Variants in DLGAP1 observed in about 807,000 individuals in gnomAD.
DLGAP1 encodes disks large-associated protein 1.
In DLGAP1, 11 loss-of-function variants were observed where a neutral mutation model predicts 90.8. The ratio of observed to expected loss-of-function variants is 0.12; its 90% CI spans 0.08 to 0.20. The LOEUF (loss-of-function observed/expected upper bound fraction) is 0.20, where lower values mean the gene tolerates loss of function less well. DLGAP1 is among the 10% of genes least tolerant of loss of function. The pLI, the probability that DLGAP1 is intolerant of heterozygous loss-of-function variation, is 1.00. For synonymous variants in DLGAP1, 558 were observed against 540.7 expected (o/e 1.03, Z -0.44); for missense variants, 1,050 against 1,333.8 (o/e 0.79, Z 3.31).
chr18:3,636,139 G>A (rs561085268), intron 7 of DLGAP1, among the ~76,000 whole-genome samples: 78 of 151,010 alleles, frequency 5.2e-4, no homozygotes, highest in Non-Finnish European at 1.0e-3. Context: ...CAACCCTTCT[G>A]CTTGGAGTTT....
intron 3 of DLGAP1, among the ~76,000 whole-genome samples, chr18:3,917,092 G>A (rs2072161775): frequency 1.3e-5 from 2 of 152,218 alleles, no homozygotes; most frequent in South Asian, 4.1e-4. Flanking sequence ...ATTTTGCTCA[G>A]CTGTGGGCTA....
intron 1 of DLGAP1, among the ~76,000 whole-genome samples, chr18:4,426,753 TATTAA>T (rs1312086150): frequency 9.9e-5 from 15 of 152,226 alleles, no homozygotes; most frequent in African/African-American, 2.7e-4. Flanking sequence ...TGCTAGATAT[TATTAA>T]ATTATTGTTT....
At chr18:4,236,115 C>G (rs559323851) in intron 1 of DLGAP1, among the ~76,000 whole-genome samples, 2 of 152,258 alleles carry the variant, frequency 1.3e-5, no homozygotes, top group East Asian at 1.9e-4. Context: ...AGTTTTCTGA[C>G]TTGGGCAAGC....
At chr18:4,319,231 T>C (rs976594374) in intron 1 of DLGAP1, among the ~76,000 whole-genome samples, 4 of 152,226 alleles carry the variant, frequency 2.6e-5, no homozygotes, top group African/African-American at 9.6e-5. Flanking sequence ...ACCTCTGTGG[T>C]AACAGTTTAA....
chr18:4,272,896 C>G (rs1025128607), intron 1 of DLGAP1, among the ~76,000 whole-genome samples: 1 of 152,134 alleles, frequency 6.6e-6, no homozygotes, highest in Non-Finnish European at 1.5e-5. Context: ...GAGGAGAGGT[C>G]ACACAGAGAA....
At chr18:3,546,750 C>T (rs1174015662) in intron 9 of DLGAP1, among the ~76,000 whole-genome samples, 1 of 152,004 alleles carries the variant, frequency 6.6e-6, no homozygotes, top group Non-Finnish European at 1.5e-5. Flanking sequence ...AAGCAGTAGA[C>T]ACCATTAGTC....
rs199561733 is a variant in DLGAP1, at chr18:4,142,930, AG to A, written c.-159+8249del. On this transcript the variant is annotated intron_variant, in intron 2 of 12. Transcript: ENST00000315677. ...AAAAATTTTCTAGATTGCCAGGCAAAGACTCTTGTTCTCCTCTCTTACTTTC... is the reference window on the plus strand; with the variant it reads ...AAAAATTTTCTAGATTGCCAGGCAAAACTCTTGTTCTCCTCTCTTACTTTC... Among the ~76,000 whole-genome samples, 1,166 of 152,274 alleles carry A rather than the reference AG, an allele frequency of 7.7e-3. 9 individuals carry two copies. Among genetic ancestry groups the A allele is most frequent in the African/African-American group, 0.026 (1,095 of 41,552 alleles).
chr18:4,080,472 A>G (rs1409168331), intron 2 of DLGAP1, among the ~76,000 whole-genome samples: 1 of 151,710 alleles, frequency 6.6e-6, no homozygotes. Context: ...GAAGGGCTGG[A>G]AACATGATAA....
At chr18:3,833,846 A>G (rs540391495) in intron 4 of DLGAP1, among the ~76,000 whole-genome samples, 27 of 152,338 alleles carry the variant, frequency 1.8e-4, no homozygotes, top group African/African-American at 6.5e-4. Context: ...TTGGTTTACA[A>G]AAGATTAAGT....
At chr18:3,844,816 T>C (rs1300399280) in intron 4 of DLGAP1, among the ~76,000 whole-genome samples, 1 of 152,196 alleles carries the variant, frequency 6.6e-6, no homozygotes, top group Non-Finnish European at 1.5e-5. Flanking sequence ...GTACGTATTC[T>C]GCTTTTCTTT....
chr18:3,590,753 G>C (rs631394), intron 7 of DLGAP1, among the ~76,000 whole-genome samples: 86,774 of 151,762 alleles, frequency 0.57, 24,960 homozygotes, highest in Admixed American at 0.61. Context: ...TACTCAGGAG[G>C]CTGAAGCAGG....
At chr18:3,941,489 A>G (rs139059653) in intron 3 of DLGAP1, among the ~76,000 whole-genome samples, 36 of 152,332 alleles carry the variant, frequency 2.4e-4, no homozygotes, top group African/African-American at 8.7e-4. Context: ...ATAAATATTA[A>G]TAGAATAGGC....
Position 4,287,783 on chromosome 18 carries a change from T to TA in DLGAP1, c.-266-136497_-266-136496insT, listed in dbSNP as rs537223467. Among the ~76,000 whole-genome samples the TA allele has an allele frequency of 1.3e-3, 193 of 152,108 alleles. 1 individual carries two copies. The highest frequency in any genetic ancestry group is 4.3e-3 in the African/African-American group (179 of 41,466). ...GGTTGATGGATGCAGCAAACCACCA[T>TA]GGCACATGTATACCTATGTAACAAA... On this transcript the variant is annotated intron_variant, in intron 1 of 12. Coordinates refer to ENST00000315677, the MANE Select transcript of DLGAP1 (RefSeq NM_004746.4).
At position 4,454,535 on chromosome 18, in the gene DLGAP1, C is replaced by T. The variant is rs1363382774; in HGVS notation, c.-267+471G>A. On this transcript the variant is annotated intron_variant, in intron 1 of 12. Coordinates refer to ENST00000315677, the MANE Select transcript of DLGAP1 (RefSeq NM_004746.4). This position sits in a 1 kb window ranked among gnomAD's most constrained non-coding sequence, Gnocchi z 4.7. Reference sequence around the variant, plus strand: ...GTCACCCAAAAAGCTAGTGCAACAACTTGCTTTGCAAACGACCCAGGAGCC... The same window carrying T: ...GTCACCCAAAAAGCTAGTGCAACAATTTGCTTTGCAAACGACCCAGGAGCC... Among the ~76,000 whole-genome samples the T allele has an allele frequency of 1.3e-5, 2 of 152,196 alleles. No individual in the cohort carries two copies. Among genetic ancestry groups the T allele is most frequent in the African/African-American group, 4.8e-5 (2 of 41,472 alleles).
chr18:3,819,180 G>A (rs922664699), intron 4 of DLGAP1, among the ~76,000 whole-genome samples: 1 of 151,888 alleles, frequency 6.6e-6, no homozygotes, highest in African/African-American at 2.4e-5. Context: ...CGTGATGGTG[G>A]GTGCCTGTAA....
At chr18:3,577,960 G>T (rs1486811534) in intron 8 of DLGAP1, among the ~76,000 whole-genome samples, 2 of 152,132 alleles carry the variant, frequency 1.3e-5, no homozygotes, top group Admixed American at 1.3e-4. Flanking sequence ...AATTTTAAAG[G>T]ACAATATTAA....
chr18:3,609,234 A>G (rs1177601527), intron 7 of DLGAP1, among the ~76,000 whole-genome samples: 1 of 152,050 alleles, frequency 6.6e-6, no homozygotes, highest in Non-Finnish European at 1.5e-5. Context: ...TTTTGTAGAG[A>G]TATGGTCTCA....
chr18:4,212,794 A>T (rs1207448236), intron 1 of DLGAP1, among the ~76,000 whole-genome samples: 1 of 152,164 alleles, frequency 6.6e-6, no homozygotes, highest in African/African-American at 2.4e-5. Context: ...TACACAGTAT[A>T]AAAATATCCC....
Position 4,197,954 on chromosome 18 carries a change from G to T in DLGAP1, c.-266-46667C>A, listed in dbSNP as rs528928603. On this transcript the variant is annotated intron_variant, in intron 1 of 12. Transcript: ENST00000315677. ...CCTATTCTTGTGGCCAGGCGCGGTG[G>T]CTCACGCCTGTAATCCCAGCACTTT... Among the ~76,000 whole-genome samples the T allele has an allele frequency of 1.8e-3, 267 of 152,274 alleles. 1 individual carries two copies. The highest frequency in any genetic ancestry group is 6.1e-3 in the African/African-American group (254 of 41,560).
Sources: gnomAD v4.1 joint callset for allele counts (sites outside exome capture counted in the v4.1 genomes callset) on GRCh38, gnomAD v4.1.1 for gene constraint, Gnocchi (gnomAD v3.1) non-coding constraint, MANE v1.5 for transcripts, NCBI Gene and HGNC (gene_info 2026-07-23, HGNC 2026-07-21) for gene names.